CDIPT: variants seen among roughly 807,000 people sequenced by gnomAD.
CDIPT encodes PI synthase.
Under a neutral mutation model 21.6 loss-of-function variants are expected in CDIPT, and 17 were observed. The ratio of observed to expected loss-of-function variants is 0.79; its 90% CI spans 0.54 to 1.18. The LOEUF (loss-of-function observed/expected upper bound fraction) is 1.18, where lower values mean the gene tolerates loss of function less well. CDIPT is among the 50% of genes most tolerant of loss of function. The probability of loss-of-function intolerance (pLI) is 0.00; values close to 1 mark genes in which losing one functional copy is unlikely to be tolerated. For missense variants in CDIPT, 254 were observed against 284.9 expected (o/e 0.89, Z 0.78); for synonymous variants, 119 against 117.9 (o/e 1.01, Z -0.06).
Position 29,859,392 on chromosome 16 carries a change from G to A in CDIPT, c.496+50C>T, listed in dbSNP as rs750201781. ...GAAGGAGGGGGCCTCCATCTCCCTG[G>A]GCAGGCCAGATCCCCCTCCCATCCT... is the stretch of plus-strand genomic sequence containing the variant. On this transcript the variant is annotated intron_variant, in intron 5 of 5. Coordinates refer to ENST00000219789, the MANE Select transcript of CDIPT (RefSeq NM_006319.5). This position sits in a 1 kb window ranked among gnomAD's most constrained non-coding sequence, Gnocchi z 4.5. 2 of 1,593,692 alleles carry A rather than the reference G, an allele frequency of 1.3e-6. No homozygotes were observed. Among genetic ancestry groups the A allele is most frequent in the Middle Eastern group, 1.7e-4 (1 of 6,022 alleles).
chr16:29,861,739 T>G (rs574475619), intron 2 of CDIPT: 41 of 339,072 alleles, frequency 1.2e-4, no homozygotes, highest in Admixed American at 3.3e-4. Context: ...TTGTTTTTTG[T>G]TTTTTTTTTT....
In CDIPT at chr16:29,859,826, C is replaced by T. The variant is rs1227693748; in HGVS notation, c.415-303G>A. ...TTTGGGACCAGCCTGGCCAACGTGG[C>T]GAAACCCCTCTCTACTAACAATACA... On this transcript the variant is annotated intron_variant, in intron 4 of 5. Transcript: ENST00000219789. The surrounding 1 kb of genome is among the most constrained non-coding windows in gnomAD (Gnocchi z 4.5). 5.3e-5 allele frequency among the ~76,000 whole-genome samples: 8 copies of T among 151,754 alleles called. No individual in the cohort carries two copies. Among genetic ancestry groups the T allele is most frequent in the African/African-American group, 1.5e-4 (6 of 41,274 alleles).
At position 29,859,177 on chromosome 16, in the gene CDIPT, G is replaced by C. The variant is rs1223799937; in HGVS notation, c.*12C>G. The C allele has an allele frequency of 1.9e-6, 3 of 1,589,584 alleles. No individual in the cohort carries two copies. The South Asian group carries it at 3.4e-5, about 18-fold the overall frequency. Reference sequence around the variant, plus strand: ...CAGGGCAGGTGGGCAGCCAGGACCCGGGGCTCCAGCGTCACTTCTTCTTGG... The same window carrying C: ...CAGGGCAGGTGGGCAGCCAGGACCCCGGGCTCCAGCGTCACTTCTTCTTGG... On this transcript the variant is annotated 3_prime_UTR_variant, in exon 6 of 6. Transcript: ENST00000219789. The surrounding 1 kb of genome is among the most constrained non-coding windows in gnomAD (Gnocchi z 4.5).
Position 29,862,793 on chromosome 16 carries a change from CG to C in CDIPT, c.43+21del. 6.2e-7 allele frequency: 1 copy of C among 1,613,946 alleles called. No individual in the cohort carries two copies. Among genetic ancestry groups the C allele is most frequent in the East Asian group, 2.2e-5 (1 of 44,882 alleles). Reference sequence around the variant, plus strand: ...AGGCCCCTCGCCCTCTCGTTCGGCCCGGGGCCGTGGGCAGCACTCACCGATG... The same window carrying C: ...AGGCCCCTCGCCCTCTCGTTCGGCCCGGGCCGTGGGCAGCACTCACCGATG... On this transcript the variant is annotated intron_variant, in intron 1 of 5. Transcript: ENST00000219789. The surrounding 1 kb of genome is among the most constrained non-coding windows in gnomAD (Gnocchi z 6.7).
rs2067654941 is a variant in CDIPT, at chr16:29,858,902, C to T, written c.*287G>A. On this transcript the variant is annotated 3_prime_UTR_variant, in exon 6 of 6. Coordinates refer to ENST00000219789, the MANE Select transcript of CDIPT (RefSeq NM_006319.5). Reference sequence around the variant, plus strand: ...CCTCACTCAAGCGTCCCTAGCATCTCGGACCCCAGGACTGAGCAGGCAGGG... The same window carrying T: ...CCTCACTCAAGCGTCCCTAGCATCTTGGACCCCAGGACTGAGCAGGCAGGG... The T allele has an allele frequency of 2.5e-6, 1 of 401,178 alleles. No homozygotes were observed. Among genetic ancestry groups the T allele is most frequent in the Non-Finnish European group, 4.5e-6 (1 of 221,258 alleles). The allele number at this position is 401,178 out of a possible 1,614,324, so 24.9% of individuals were successfully genotyped here.
Position 29,859,330 on chromosome 16 carries a change from G to A in CDIPT, c.501C>T (p.Gly167=). The A allele has an allele frequency of 6.4e-7, 1 of 1,564,898 alleles. No individual in the cohort carries two copies. The highest frequency in any genetic ancestry group is 8.7e-7 in the Non-Finnish European group (1 of 1,154,392). The change falls in exon 6 of 6, where the codon GGC becomes GGT. Residue 167 remains glycine (G), a synonymous_variant. Coordinates refer to ENST00000219789, the MANE Select transcript of CDIPT (RefSeq NM_006319.5). This position sits in a 1 kb window ranked among gnomAD's most constrained non-coding sequence, Gnocchi z 4.5. ...GGCCCATCCGGAACAGTCCCACAGAGCCAACTGCAGGAAGGCAGCAGGGGA... is the reference window on the plus strand; with the variant it reads ...GGCCCATCCGGAACAGTCCCACAGAACCAACTGCAGGAAGGCAGCAGGGGA... The part of the protein sequence containing the change: ...LFHFSEGPLV[G]SVGLFRMGLW...
Position 29,863,076 on chromosome 16 carries a change from C to A in CDIPT, c.-219G>T. ...ACGCAGGGGGCGCGCGCAGTCCGCCCTTCCTACCCGCAACCTCCCTCGCCT... is the reference window on the plus strand; with the variant it reads ...ACGCAGGGGGCGCGCGCAGTCCGCCATTCCTACCCGCAACCTCCCTCGCCT... On this transcript the variant is annotated 5_prime_UTR_variant, in exon 1 of 6. In the 5' UTR this introduces an upstream ATG that the reference lacks. Transcript: ENST00000219789. 1.7e-6 allele frequency: 1 copy of A among 588,022 alleles called. No individual in the cohort carries two copies. 36.4% of individuals were successfully genotyped at this position (588,022 alleles called of 1,614,324 possible).
rs1027180113 is a variant in CDIPT, at chr16:29,859,657, C to T, written c.415-134G>A. 7 of 659,512 alleles carry T rather than the reference C, an allele frequency of 1.1e-5. No individual in the cohort carries two copies. Among genetic ancestry groups the T allele is most frequent in the South Asian group, 7.3e-5 (4 of 55,012 alleles). 40.9% of individuals were successfully genotyped at this position (659,512 alleles called of 1,614,324 possible). On this transcript the variant is annotated intron_variant, in intron 4 of 5. Transcript: ENST00000219789. This position sits in a 1 kb window ranked among gnomAD's most constrained non-coding sequence, Gnocchi z 4.5. Reference sequence around the variant, plus strand: ...TTTTTCTTTTTTACAGACAGGGTCTCGCTCTCTCATCCAGGTTGGAATGCA... The same window carrying T: ...TTTTTCTTTTTTACAGACAGGGTCTTGCTCTCTCATCCAGGTTGGAATGCA...
In CDIPT at chr16:29,859,862, G is replaced by A. The variant is rs989937676; in HGVS notation, c.415-339C>T. ...TCTACTAACAATACAAAAATTAGCCGAGTGTGGTGGCACGTGCCGGTAGTC... is the reference window on the plus strand; with the variant it reads ...TCTACTAACAATACAAAAATTAGCCAAGTGTGGTGGCACGTGCCGGTAGTC... On this transcript the variant is annotated intron_variant, in intron 4 of 5. Coordinates refer to ENST00000219789, the MANE Select transcript of CDIPT (RefSeq NM_006319.5). The surrounding 1 kb of genome is among the most constrained non-coding windows in gnomAD (Gnocchi z 4.5). Among the ~76,000 whole-genome samples, 15 of 151,924 alleles carry A rather than the reference G, an allele frequency of 9.9e-5. No individual in the cohort carries two copies. Among genetic ancestry groups the A allele is most frequent in the African/African-American group, 3.4e-4 (14 of 41,348 alleles).
Position 29,859,377 on chromosome 16 carries a change from G to T in CDIPT, c.497-43C>A, listed in dbSNP as rs1240553345. On this transcript the variant is annotated intron_variant, in intron 5 of 5. Coordinates refer to ENST00000219789, the MANE Select transcript of CDIPT (RefSeq NM_006319.5). This position sits in a 1 kb window ranked among gnomAD's most constrained non-coding sequence, Gnocchi z 4.5. ...GGGAGTTTGGGGCCCGAAGGAGGGG[G>T]CCTCCATCTCCCTGGGCAGGCCAGA... The T allele has an allele frequency of 2.5e-6, 4 of 1,584,122 alleles. No individual in the cohort carries two copies. The highest frequency in any genetic ancestry group is 2.6e-6 in the Non-Finnish European group (3 of 1,164,038).
chr16:29,861,768 C>G (rs1005781941), intron 2 of CDIPT: 3 of 433,684 alleles, frequency 6.9e-6, no homozygotes, highest in African/African-American at 6.0e-5. Flanking sequence ...GAGTCTTGCT[C>G]TGTCGCCCAG....
rs955216330 is a variant in CDIPT, at chr16:29,859,658, G to A, written c.415-135C>T. The A allele has an allele frequency of 2.1e-5, 14 of 656,902 alleles. No individual in the cohort carries two copies. Among genetic ancestry groups the A allele is most frequent in the South Asian group, 3.6e-5 (2 of 54,878 alleles). 40.7% of individuals were successfully genotyped at this position (656,902 alleles called of 1,614,324 possible). Reference sequence around the variant, plus strand: ...TTTTCTTTTTTACAGACAGGGTCTCGCTCTCTCATCCAGGTTGGAATGCAG... The same window carrying A: ...TTTTCTTTTTTACAGACAGGGTCTCACTCTCTCATCCAGGTTGGAATGCAG... On this transcript the variant is annotated intron_variant, in intron 4 of 5. Coordinates refer to ENST00000219789, the MANE Select transcript of CDIPT (RefSeq NM_006319.5). This position sits in a 1 kb window ranked among gnomAD's most constrained non-coding sequence, Gnocchi z 4.5.
chr16:29,858,679 G>C lies in CDIPT; in HGVS notation c.*510C>G, dbSNP rs563204139. 143 of 156,594 alleles carry C rather than the reference G, an allele frequency of 9.1e-4. 1 individual carries two copies. Among genetic ancestry groups the C allele is most frequent in the African/African-American group, 3.3e-3 (137 of 41,574 alleles). The allele number at this position is 156,594 out of a possible 1,614,324, so 9.7% of individuals were successfully genotyped here. Reference sequence around the variant, plus strand: ...CCTAAGCTCCCTCAACCCAGGCCCTGAGCCAAGAATATCTGAAAGGAAACC... The same window carrying C: ...CCTAAGCTCCCTCAACCCAGGCCCTCAGCCAAGAATATCTGAAAGGAAACC... On this transcript the variant is annotated 3_prime_UTR_variant, in exon 6 of 6. Coordinates refer to ENST00000219789, the MANE Select transcript of CDIPT (RefSeq NM_006319.5).
In CDIPT at chr16:29,859,285, G is replaced by A. The variant is rs766994732; in HGVS notation, c.546C>T (p.Ile182=). 9 of 1,576,376 alleles carry A rather than the reference G, an allele frequency of 5.7e-6. No individual in the cohort carries two copies. Among genetic ancestry groups the A allele is most frequent in the African/African-American group, 4.0e-5 (3 of 74,438 alleles). The part of the protein sequence containing the change: ...FRMGLWVTAP[I]ALLKSLISVI... ...CGCTGATGAGCGACTTCAGCAAGGCGATGGGGGCAGTGACCCAGAGGCCCA... is the reference window on the plus strand; with the variant it reads ...CGCTGATGAGCGACTTCAGCAAGGCAATGGGGGCAGTGACCCAGAGGCCCA... The change falls in exon 6 of 6, where the codon ATC becomes ATT. Residue 182 remains isoleucine, a synonymous_variant. Coordinates refer to ENST00000219789, the MANE Select transcript of CDIPT (RefSeq NM_006319.5). This position sits in a 1 kb window ranked among gnomAD's most constrained non-coding sequence, Gnocchi z 4.5.
intron 4 of CDIPT, 150 bp downstream of exon 4, chr16:29,860,431 C>T: frequency 1.6e-6 from 1 of 621,176 alleles, no homozygotes; most frequent in South Asian, 1.9e-5. Context: ...AATCCTCCTC[C>T]TCCACGCCTC....
In CDIPT at chr16:29,862,777, G is replaced by A. The variant is rs944079736; in HGVS notation, c.43+38C>T. 1 of 1,613,744 alleles carries A rather than the reference G, an allele frequency of 6.2e-7. No individual in the cohort carries two copies. The highest frequency in any genetic ancestry group is 8.5e-7 in the Non-Finnish European group (1 of 1,179,810). ...ATCAGGGAGCCCGCCAAGGCCCCTC[G>A]CCCTCTCGTTCGGCCCGGGGCCGTG... is the stretch of plus-strand genomic sequence containing the variant. On this transcript the variant is annotated intron_variant, in intron 1 of 5. Transcript: ENST00000219789. The surrounding 1 kb of genome is among the most constrained non-coding windows in gnomAD (Gnocchi z 6.7).
At position 29,861,360 on chromosome 16, in the gene CDIPT, G is replaced by C. The variant is rs1284357768; in HGVS notation, c.179-101C>G. 5 of 1,562,126 alleles carry C rather than the reference G, an allele frequency of 3.2e-6. No individual in the cohort carries two copies. The Admixed American group carries it at 5.8e-5, about 18-fold the overall frequency. On this transcript the variant is annotated intron_variant, in intron 2 of 5. Transcript: ENST00000219789. ...TGACGCAGGGTGTAAACGAAGACTG[G>C]AAGTGTCCGCCTGCCTGGGGAGGAA...
Position 29,859,038 on chromosome 16 carries a change from C to G in CDIPT, c.*151G>C. 2.4e-6 allele frequency: 2 copies of G among 828,406 alleles called. No individual in the cohort carries two copies. Among genetic ancestry groups the G allele is most frequent in the Non-Finnish European group, 3.7e-6 (2 of 542,518 alleles). 51.3% of individuals were successfully genotyped at this position (828,406 alleles called of 1,614,324 possible). ...GTCCTCAGGATCCCAGAGAACGTGA[C>G]GTCACCAAAGAGAGGCTGACCCCCA... is the stretch of plus-strand genomic sequence containing the variant. On this transcript the variant is annotated 3_prime_UTR_variant, in exon 6 of 6. Transcript: ENST00000219789. This position sits in a 1 kb window ranked among gnomAD's most constrained non-coding sequence, Gnocchi z 4.5.
intron 2 of CDIPT, 60 bp from the exon 3 acceptor site, chr16:29,861,319 AT>A (rs1471373266): frequency 1.1e-5 from 17 of 1,603,960 alleles, no homozygotes; most frequent in Non-Finnish European, 1.4e-5. Context: ...AGGTGCCCAT[AT>A]TTGGTTTATC....
Sources: gnomAD v4.1 joint callset for allele counts (sites outside exome capture counted in the v4.1 genomes callset) on GRCh38, gnomAD v4.1.1 for gene constraint, Gnocchi (gnomAD v3.1) non-coding constraint, MANE v1.5 for transcripts, NCBI Gene and HGNC (gene_info 2026-07-23, HGNC 2026-07-21) for gene names.